The following GPC6 variants were observed in gnomAD, a reference collection of about 807,000 sequenced individuals.
GPC6 encodes glypican-6.
A neutral mutation model predicts 55.2 loss-of-function variants in GPC6; 14 were observed. That is an observed-to-expected ratio of 0.25 (90% CI 0.17 to 0.40). The LOEUF (loss-of-function observed/expected upper bound fraction) is 0.40. GPC6 is among the 10% of genes least tolerant of loss of function. The pLI, the probability that GPC6 is intolerant of heterozygous loss-of-function variation, is 1.00. For missense variants in GPC6, 641 were observed against 708.5 expected (o/e 0.90, Z 1.08); for synonymous variants, 278 against 259.6 (o/e 1.07, Z -0.68).
chr13:93,787,073 G>T (rs1215565346), intron 2 of GPC6, among the ~76,000 whole-genome samples: 3 of 152,100 alleles, frequency 2.0e-5, no homozygotes, highest in African/African-American at 7.2e-5. Context: ...TCATTTACAA[G>T]GCCTTTATGT....
chr13:93,718,217 A>G (rs1483161741), intron 2 of GPC6, among the ~76,000 whole-genome samples: 1 of 151,862 alleles, frequency 6.6e-6, no homozygotes, highest in Admixed American at 6.6e-5. Flanking sequence ...ACTAATTTAC[A>G]CTCCCACCAT....
intron 1 of GPC6, among the ~76,000 whole-genome samples, chr13:93,433,319 G>A (rs1471128651): frequency 6.6e-6 from 1 of 152,182 alleles, no homozygotes; most frequent in Non-Finnish European, 1.5e-5. Context: ...GCTATGGGCA[G>A]GTCTTTAGCC....
intron 2 of GPC6, among the ~76,000 whole-genome samples, chr13:93,762,021 A>T (rs1440367220): frequency 4.0e-5 from 6 of 151,582 alleles, no homozygotes; most frequent in Non-Finnish European, 8.8e-5. Flanking sequence ...TTCTCCATTG[A>T]CTCTCCTTTT....
chr13:93,585,504 G>T (rs1400668607), intron 2 of GPC6, among the ~76,000 whole-genome samples: 1 of 152,178 alleles, frequency 6.6e-6, no homozygotes, highest in Non-Finnish European at 1.5e-5. Flanking sequence ...GTGCTGAGAT[G>T]TTTGAGAACT....
At chr13:93,503,941 C>T (rs1302403487) in intron 1 of GPC6, among the ~76,000 whole-genome samples, 1 of 151,896 alleles carries the variant, frequency 6.6e-6, no homozygotes, top group Non-Finnish European at 1.5e-5. Flanking sequence ...AAGATAAACC[C>T]TTTAGATTTA....
At chr13:94,212,708 C>A (rs576681062) in intron 4 of GPC6, among the ~76,000 whole-genome samples, 1 of 152,178 alleles carries the variant, frequency 6.6e-6, no homozygotes. Flanking sequence ...TTCAAGTAAT[C>A]ATAATAAGCT....
chr13:93,613,024 G>T (rs545581552), intron 2 of GPC6, among the ~76,000 whole-genome samples: 6 of 152,294 alleles, frequency 3.9e-5, no homozygotes, highest in African/African-American at 1.4e-4. Flanking sequence ...CAGTTGTGAA[G>T]AGTAGAATCC....
chr13:94,124,031 G>A (rs1004501974), intron 4 of GPC6, among the ~76,000 whole-genome samples: 2 of 151,816 alleles, frequency 1.3e-5, no homozygotes, highest in Non-Finnish European at 2.9e-5. Context: ...ATGGGGAGGG[G>A]GAATCATTTA....
intron 3 of GPC6, among the ~76,000 whole-genome samples, chr13:93,898,778 G>A (rs1292073294): frequency 6.6e-6 from 1 of 151,640 alleles, no homozygotes; most frequent in Non-Finnish European, 1.5e-5. Flanking sequence ...GGATTAGGCA[G>A]GACAGATGTC....
At chr13:94,113,024 G>A (rs1886306455) in intron 4 of GPC6, among the ~76,000 whole-genome samples, 2 of 152,056 alleles carry the variant, frequency 1.3e-5, no homozygotes, top group Admixed American at 1.3e-4. Flanking sequence ...GCAACTCTTA[G>A]AGCCTGTCAT....
At chr13:93,993,765 A>T (rs1413531016) in intron 3 of GPC6, among the ~76,000 whole-genome samples, 3 of 152,232 alleles carry the variant, frequency 2.0e-5, no homozygotes, top group African/African-American at 7.2e-5. Context: ...TTTCTAAAAT[A>T]ATTCCTACTG....
At chr13:93,645,873 G>A (rs1194806884) in intron 2 of GPC6, among the ~76,000 whole-genome samples, 1 of 152,024 alleles carries the variant, frequency 6.6e-6, no homozygotes, top group Non-Finnish European at 1.5e-5. Context: ...GCTAAAGCAC[G>A]TCTGCTGACC....
At chr13:94,217,341 T>G (rs1814679984) in intron 4 of GPC6, among the ~76,000 whole-genome samples, 1 of 152,226 alleles carries the variant, frequency 6.6e-6, no homozygotes, top group South Asian at 2.1e-4. Flanking sequence ...TTCTGAGCCT[T>G]AAATCAATGA....
chr13:93,720,151 G>A (rs911956392), intron 2 of GPC6, among the ~76,000 whole-genome samples: 1 of 152,108 alleles, frequency 6.6e-6, no homozygotes, highest in African/African-American at 2.4e-5. Flanking sequence ...AGTTTCAGAA[G>A]GAATGGTACC....
chr13:94,311,706 TCATATGCCCATATC>T (rs1876255953), intron 6 of GPC6, among the ~76,000 whole-genome samples: 1 of 152,140 alleles, frequency 6.6e-6, no homozygotes, highest in African/African-American at 2.4e-5. Context: ...ATTCCTGAGA[TCATATGCCCATATC>T]CATATGCCCT....
chr13:93,885,750 G>C (rs1048500286), intron 3 of GPC6, among the ~76,000 whole-genome samples: 2 of 152,140 alleles, frequency 1.3e-5, no homozygotes, highest in East Asian at 1.9e-4. Flanking sequence ...GTTTAAGACA[G>C]AACAGGGCTT....
At chr13:93,424,681 T>G (rs1877057133) in intron 1 of GPC6, among the ~76,000 whole-genome samples, 1 of 152,158 alleles carries the variant, frequency 6.6e-6, no homozygotes, top group Admixed American at 6.6e-5. Context: ...GAGGTTGTTT[T>G]TGTTGTTTTG....
At chr13:93,363,066 C>A (rs867711769) in intron 1 of GPC6, among the ~76,000 whole-genome samples, 1 of 149,936 alleles carries the variant, frequency 6.7e-6, no homozygotes, top group African/African-American at 2.4e-5. Context: ...TTCATAAGTA[C>A]TAAATAATGT....
intron 2 of GPC6, among the ~76,000 whole-genome samples, chr13:93,755,420 C>CT (rs1274416074): frequency 6.6e-6 from 1 of 152,152 alleles, no homozygotes; most frequent in Non-Finnish European, 1.5e-5. Flanking sequence ...GCAAAAGAGA[C>CT]TAAGTAAATA....
Sources: gnomAD v4.1 joint callset for allele counts (sites outside exome capture counted in the v4.1 genomes callset) on GRCh38, gnomAD v4.1.1 for gene constraint, MANE v1.5 for transcripts, NCBI Gene and HGNC (gene_info 2026-07-23, HGNC 2026-07-21) for gene names.